The following IFT140 variants were observed in gnomAD, a reference collection of about 807,000 sequenced individuals.
IFT140 encodes intraflagellar transport 140, also known as intraflagellar transport protein 140 homolog.
Under a neutral mutation model 164.6 loss-of-function variants are expected in IFT140, and 133 were observed. That is an observed-to-expected ratio of 0.81 (90% CI 0.70 to 0.93). The LOEUF is 0.93. IFT140 is among the 40% of genes least tolerant of loss of function. The probability of loss-of-function intolerance (pLI) is 0.00; values close to 1 mark genes in which losing one functional copy is unlikely to be tolerated. For synonymous variants in IFT140, 860 were observed against 817.3 expected (o/e 1.05, Z -0.89); for missense variants, 2,045 against 1,972.3 (o/e 1.04, Z -0.70).
chr16:1,597,040 A>C (rs953376234), intron 4 of IFT140, among the ~76,000 whole-genome samples: 1 of 152,170 alleles, frequency 6.6e-6, no homozygotes, highest in Non-Finnish European at 1.5e-5. Flanking sequence ...CGTGCGCTGG[A>C]TGAGCGTCTT....
intron 12 of IFT140, among the ~76,000 whole-genome samples, chr16:1,583,077 C>T (rs2034662578): frequency 6.6e-6 from 1 of 152,196 alleles, no homozygotes; most frequent in African/African-American, 2.4e-5. Context: ...CACCTCCTCC[C>T]TGGAAGGAAC....
intron 13 of IFT140, among the ~76,000 whole-genome samples, chr16:1,579,940 G>C (rs1158627992): frequency 6.6e-6 from 1 of 150,502 alleles, no homozygotes; most frequent in Non-Finnish European, 1.5e-5. Context: ...CTCCAGCCTG[G>C]GCGACAAAGC....
chr16:1,573,967 G>A (rs879718633), intron 13 of IFT140, among the ~76,000 whole-genome samples: 47 of 152,160 alleles, frequency 3.1e-4, no homozygotes, highest in Non-Finnish European at 1.8e-4. Context: ...CAGCAGCCAC[G>A]CCCTGCTCTC....
chr16:1,553,732 C>T lies in IFT140; in HGVS notation c.2399+4203G>A, dbSNP rs2032866400. 1 of 1,137,916 alleles carries T rather than the reference C, an allele frequency of 8.8e-7. No individual in the cohort carries two copies. The highest frequency in any genetic ancestry group is 1.6e-5 in the African/African-American group (1 of 61,938). The allele number at this position is 1,137,916 out of a possible 1,614,324, so 70.5% of individuals were successfully genotyped here. A position where few individuals can be genotyped will look rare whatever the true frequency, so the allele number is the denominator to read the frequency against. Reference sequence around the variant, plus strand: ...CTCCAGGACAATCTGTGGCCACATCCCCATGGCTGTAGGGGATGAGGAGGG... The same window carrying T: ...CTCCAGGACAATCTGTGGCCACATCTCCATGGCTGTAGGGGATGAGGAGGG... On this transcript the variant is annotated intron_variant, in intron 19 of 30. Coordinates refer to ENST00000426508, the MANE Select transcript of IFT140 (RefSeq NM_014714.4). The surrounding 1 kb of genome is among the most constrained non-coding windows in gnomAD (Gnocchi z 4.4).
At chr16:1,537,998 A>C (rs2031244077) in intron 19 of IFT140, among the ~76,000 whole-genome samples, 1 of 152,170 alleles carries the variant, frequency 6.6e-6, no homozygotes, top group African/African-American at 2.4e-5. Flanking sequence ...ACACCTTTAA[A>C]AGTCAGCTGC....
At position 1,557,930 on chromosome 16, in the gene IFT140, C is replaced by T; in HGVS notation, c.2399+5G>A. On this transcript the variant is annotated splice_donor_5th_base_variant and intron_variant, in intron 19 of 30. Coordinates refer to ENST00000426508, the MANE Select transcript of IFT140 (RefSeq NM_014714.4). ...TCCCAACATCCCAGTGGTCGGGATC[C>T]TCACCTTTTGATGAGCTTGATGGAT... is the stretch of plus-strand genomic sequence containing the variant. 1 of 1,612,730 alleles carries T rather than the reference C, an allele frequency of 6.2e-7. No homozygotes were observed. The highest frequency in any genetic ancestry group is 1.1e-5 in the South Asian group (1 of 91,026).
chr16:1,606,942 GCAGA>G (rs2036099835), intron 3 of IFT140, among the ~76,000 whole-genome samples, 174 bp downstream of exon 3: 1 of 150,936 alleles, frequency 6.6e-6, no homozygotes, highest in African/African-American at 2.4e-5. Context: ...ACACACAGAT[GCAGA>G]CATACATATG....
At chr16:1,579,717 A>G (rs1307826385) in intron 13 of IFT140, among the ~76,000 whole-genome samples, 1 of 152,176 alleles carries the variant, frequency 6.6e-6, no homozygotes, top group Non-Finnish European at 1.5e-5. Flanking sequence ...CTGTAATCCC[A>G]GCACTTTGGG....
intron 29 of IFT140, 79 bp from the exon 30 acceptor site, chr16:1,518,436 C>A: frequency 7.0e-7 from 1 of 1,420,218 alleles, no homozygotes; most frequent in South Asian, 1.5e-5. Flanking sequence ...AGACTCTTGG[C>A]CTGTAAGAGG....
chr16:1,541,738 C>G (rs1335837251), intron 19 of IFT140, among the ~76,000 whole-genome samples: 1 of 151,940 alleles, frequency 6.6e-6, no homozygotes. Context: ...ACATGGGACC[C>G]AGGGCTTGCA....
chr16:1,578,682 C>A (rs2034399103), intron 13 of IFT140, among the ~76,000 whole-genome samples: 1 of 152,070 alleles, frequency 6.6e-6, no homozygotes, highest in Non-Finnish European at 1.5e-5. Context: ...GAGTTCAAGA[C>A]CAGCCTAGCC....
chr16:1,526,657 C>T lies in IFT140; in HGVS notation c.2539G>A (p.Ala847Thr). Reference protein sequence around the residue: ...REAEQEPELEARVAVLATQLG... With the variant: ...REAEQEPELETRVAVLATQLG... ...TGCGTGGCCAGCACGGCCACGCGGGCCTCTAGCTCCGGCTCCTGCTCCGCC... is the reference window on the plus strand; with the variant it reads ...TGCGTGGCCAGCACGGCCACGCGGGTCTCTAGCTCCGGCTCCTGCTCCGCC... The change falls in exon 20 of 31, where the codon GCC (alanine) becomes ACC (threonine). Residue 847 changes from alanine to threonine, a missense_variant. Ala to Thr is a moderately conservative substitution (Grantham distance 58). Transcript: ENST00000426508. 1 of 1,593,432 alleles carries T rather than the reference C, an allele frequency of 6.3e-7. No individual in the cohort carries two copies. The highest frequency in any genetic ancestry group is 2.3e-5 in the East Asian group (1 of 44,278).
Position 1,607,151 on chromosome 16 carries a change from G to C in IFT140, c.116C>G (p.Ser39Ter). 6.2e-7 allele frequency: 1 copy of C among 1,614,182 alleles called. No homozygotes were observed. Among genetic ancestry groups the C allele is most frequent in the Non-Finnish European group, 8.5e-7 (1 of 1,180,020 alleles). ...CAGGTAAATATCCACGCTGCCTGTT[G>C]AGGTTGTGCTGATGTAAGCAACTGC... Reference protein sequence around the residue: ...FLAVAYISTTSTGSVDIYLEQ... With the variant: ...FLAVAYISTT Residue 39 changes from serine (S) to a stop codon, truncating the protein, a stop_gained, in exon 3 of 31, where the codon TCA (serine) becomes TGA (stop). Transcript: ENST00000426508. LOFTEE classifies it high-confidence loss of function.
At chr16:1,598,769 G>A (rs2035595353) in intron 4 of IFT140, among the ~76,000 whole-genome samples, 1 of 152,238 alleles carries the variant, frequency 6.6e-6, no homozygotes, top group African/African-American at 2.4e-5. Flanking sequence ...CACAGGTGAG[G>A]GCAAGGAGCA....
At chr16:1,611,714 T>C (rs1407933718) in intron 1 of IFT140, among the ~76,000 whole-genome samples, 1 of 143,498 alleles carries the variant, frequency 7.0e-6, no homozygotes, top group Non-Finnish European at 1.5e-5. Context: ...CTCGGGAGGC[T>C]GAGGCAGGAG....
intron 19 of IFT140, among the ~76,000 whole-genome samples, chr16:1,539,142 C>A (rs536576487): frequency 6.0e-5 from 9 of 151,222 alleles, no homozygotes; most frequent in Admixed American, 2.6e-4. Flanking sequence ...CGGCCCCACG[C>A]CTCAGGCCTC....
At chr16:1,562,497 C>T (rs3784838) in intron 17 of IFT140, among the ~76,000 whole-genome samples, 5 of 152,078 alleles carry the variant, frequency 3.3e-5, no homozygotes, top group African/African-American at 9.7e-5. Flanking sequence ...TAGCAGGCTG[C>T]GCACAGTGGC....
At chr16:1,571,351 C>T (rs182445086) in intron 14 of IFT140, 56 bp downstream of exon 14, 122 of 1,561,904 alleles carry the variant, frequency 7.8e-5, no homozygotes, top group African/African-American at 5.3e-4. Context: ...ACCCATCACA[C>T]TGTCTCCTGA....
chr16:1,549,508 C>T (rs1196696684), intron 19 of IFT140, among the ~76,000 whole-genome samples: 1 of 152,184 alleles, frequency 6.6e-6, no homozygotes, highest in African/African-American at 2.4e-5. Context: ...GGCTCACCGC[C>T]GCAAGCTCTG....
Sources: allele counts gnomAD v4.1 joint callset (sites outside exome capture counted in the v4.1 genomes callset), GRCh38; gene constraint gnomAD v4.1.1; non-coding constraint Gnocchi (gnomAD v3.1); transcripts MANE v1.5; gene names NCBI Gene and HGNC (gene_info 2026-07-23, HGNC 2026-07-21).